Variants in LOXL3 observed in about 807,000 individuals in gnomAD.
LOXL3 encodes the protein lysyl oxidase homolog 3.
Under a neutral mutation model 91.8 loss-of-function variants are expected in LOXL3, and 60 were observed. The observed-to-expected ratio is 0.65, with a 90% CI of 0.53 to 0.81. The LOEUF (loss-of-function observed/expected upper bound fraction) is 0.81, where lower values mean the gene tolerates loss of function less well. Among genes scored for constraint, LOXL3 ranks in the 30% least tolerant of loss-of-function variants. The pLI is 0.00. For missense variants in LOXL3, 874 were observed against 1,000.4 expected (o/e 0.87, Z 1.70); for synonymous variants, 355 against 387.6 (o/e 0.92, Z 0.99).
Position 74,549,583 on chromosome 2 carries a change from C to G in LOXL3, c.478G>C (p.Val160Leu), listed in dbSNP as rs559018104. ...PGFSDSNVIE[V>L]EHHLQVEEVR... ...TCCTCCACTTGCAGGTGATGCTCTA[C>G]CTGGGGGCGGGGCCACAAGCAGGGA... Residue 160 changes from valine to leucine, a missense_variant and splice_region_variant, in exon 4 of 14, where the codon GTA becomes CTA. By Grantham distance (32) the Val-to-Leu change is conservative. Transcript: ENST00000264094. The surrounding 1 kb of genome is among the most constrained non-coding windows in gnomAD (Gnocchi z 5.3). The G allele has an allele frequency of 6.2e-7, 1 of 1,602,842 alleles. No individual in the cohort carries two copies. Among genetic ancestry groups the G allele is most frequent in the East Asian group, 2.2e-5 (1 of 44,496 alleles).
rs745650381 is a variant in LOXL3 at position 74,535,699 on chromosome 2, C to T, written c.1305G>A (p.Gly435=). The T allele has an allele frequency of 1.2e-6, 2 of 1,605,780 alleles. No homozygotes were observed. The highest frequency in any genetic ancestry group is 8.5e-7 in the Non-Finnish European group (1 of 1,177,758). Residue 435 remains glycine, a synonymous_variant, in exon 8 of 14, where the codon GGG becomes GGA. Transcript: ENST00000264094. This position sits in a 1 kb window ranked among gnomAD's most constrained non-coding sequence, Gnocchi z 4.2. ...QHEGRVEVQI[G]GPGPLRWGLI... ...GGCCCCAGCGAAGGGGCCCAGGTCC[C>T]CCTATTTGCACCTCGACTCGCCCCT...
chr2:74,544,876 C>G (rs1676515243), intron 4 of LOXL3, among the ~76,000 whole-genome samples: 1 of 152,172 alleles, frequency 6.6e-6, no homozygotes, highest in Admixed American at 6.5e-5. Flanking sequence ...TGTGAAGGAT[C>G]TAGATCATAG....
intron 4 of LOXL3, among the ~76,000 whole-genome samples, chr2:74,548,755 G>C (rs1305200706): frequency 1.3e-5 from 2 of 152,124 alleles, no homozygotes; most frequent in African/African-American, 4.8e-5. Flanking sequence ...CTGGACCCCA[G>C]GGCTCCAGCG....
chr2:74,554,248 C>G (rs77436581), upstream of LOXL3: 252 of 155,876 alleles, frequency 1.6e-3, 3 homozygotes, highest in East Asian at 0.027. This position sits in a 1 kb window ranked among gnomAD's most constrained non-coding sequence, Gnocchi z 4.9. Context: ...GCGGGGCGGC[C>G]CCGGTGGTGG....
Position 74,532,494 on chromosome 2 carries a change from T to C in LOXL3, c.*1112A>G, listed in dbSNP as rs1416215471. ...AGACAGAAAGTGAGTTGCCATTGTA[T>C]TTTGTAGTACCTAGCCCATGTCCTG... On this transcript the variant is annotated 3_prime_UTR_variant, in exon 14 of 14. Coordinates refer to ENST00000264094, the MANE Select transcript of LOXL3 (RefSeq NM_032603.5). The C allele has an allele frequency of 5.3e-6, 4 of 758,668 alleles. No homozygotes were observed. In the Admixed American group the frequency reaches 8.0e-5, roughly 15 times the overall value. The allele number at this position is 758,668 out of a possible 1,614,324, so 47.0% of individuals were successfully genotyped here.
chr2:74,537,853 T>C lies in LOXL3; in HGVS notation c.693-925A>G, dbSNP rs567057019. On this transcript the variant is annotated intron_variant, in intron 4 of 13. Transcript: ENST00000264094. ...GCACGTGCCAGAGTGAAGTACACTC[T>C]GCCCGCAGAGAAAGGGAAGAAAATG... 1.2e-4 allele frequency among the ~76,000 whole-genome samples: 19 copies of C among 152,268 alleles called. 1 individual carries two copies. In the South Asian group the frequency reaches 3.9e-3, roughly 32 times the overall value.
chr2:74,549,801 A>C lies in LOXL3; in HGVS notation c.478-218T>G, dbSNP rs1443757625. On this transcript the variant is annotated intron_variant, in intron 3 of 13. Transcript: ENST00000264094. The surrounding 1 kb of genome is among the most constrained non-coding windows in gnomAD (Gnocchi z 5.3). The stretch of plus-strand genomic sequence containing the variant: ...TGTGCTGTGCTCCCAGAGAGGATTC[A>C]GGGCACTAGGAAGGAGGCCCTCCCT... 6.4e-6 allele frequency: 9 copies of C among 1,413,082 alleles called. No individual in the cohort carries two copies. In the East Asian group the frequency reaches 1.6e-4, roughly 24 times the overall value. The allele number at this position is 1,413,082 out of a possible 1,614,324, so 87.5% of individuals were successfully genotyped here.
rs1395023227 is a variant in LOXL3 at position 74,536,511 on chromosome 2, C to A, written c.913-40G>T. On this transcript the variant is annotated intron_variant, in intron 5 of 13. Coordinates refer to ENST00000264094, the MANE Select transcript of LOXL3 (RefSeq NM_032603.5). This position sits in a 1 kb window ranked among gnomAD's most constrained non-coding sequence, Gnocchi z 4.5. ...AGTGCCCAACAGAGGCAAATGGCAA[C>A]ATCTGCACGGAGGGCTAAGCAGACC... The A allele has an allele frequency of 1.9e-6, 3 of 1,586,696 alleles. No individual in the cohort carries two copies. In the African/African-American group the frequency reaches 4.0e-5, roughly 21 times the overall value.
In LOXL3 at chr2:74,536,952, A is replaced by C; in HGVS notation, c.693-24T>G. 6.2e-7 allele frequency: 1 copy of C among 1,601,702 alleles called. No homozygotes were observed. The highest frequency in any genetic ancestry group is 8.5e-7 in the Non-Finnish European group (1 of 1,169,616). ...GCCTAGGGGGACAGGAGTGAGGTGCAGTAGGGTAAAACAATGCTCCTGCCT... is the reference window on the plus strand; with the variant it reads ...GCCTAGGGGGACAGGAGTGAGGTGCCGTAGGGTAAAACAATGCTCCTGCCT... On this transcript the variant is annotated intron_variant, in intron 4 of 13. Coordinates refer to ENST00000264094, the MANE Select transcript of LOXL3 (RefSeq NM_032603.5). This position sits in a 1 kb window ranked among gnomAD's most constrained non-coding sequence, Gnocchi z 4.5.
chr2:74,541,348 G>C (rs569487138), intron 4 of LOXL3, among the ~76,000 whole-genome samples: 1 of 152,302 alleles, frequency 6.6e-6, no homozygotes, highest in Non-Finnish European at 1.5e-5. Flanking sequence ...TTTAATGTGT[G>C]AAGACACCTT....
At chr2:74,554,743 C>G, upstream of LOXL3, 3 of 1,612,982 alleles carry the variant, frequency 1.9e-6, no homozygotes, top group Non-Finnish European at 1.7e-6. The surrounding 1 kb of genome is among the most constrained non-coding windows in gnomAD (Gnocchi z 4.9). Context: ...GCGGAAGGAA[C>G]CGCCGGGGGC....
Position 74,536,915 on chromosome 2 carries a change from G to T in LOXL3, c.706C>A (p.Arg236=), listed in dbSNP as rs200536773. The change falls in exon 5 of 14, where the codon CGG becomes AGG. Residue 236 remains arginine (R), a synonymous_variant. Transcript: ENST00000264094. This position sits in a 1 kb window ranked among gnomAD's most constrained non-coding sequence, Gnocchi z 4.5. ...TGCAGACCAAAGGAGTGTTGCTGCC[G>T]TTGGGCTAGCAGCCTAGGGGGACAG... ...NAAFYRLLAQ[R]QQHSFGLHGV... The T allele has an allele frequency of 6.2e-7, 1 of 1,614,104 alleles. No individual in the cohort carries two copies. The highest frequency in any genetic ancestry group is 1.7e-5 in the Admixed American group (1 of 60,024).
At chr2:74,554,558 G>A, upstream of LOXL3, 1 of 602,958 alleles carries the variant, frequency 1.7e-6, no homozygotes, top group South Asian at 2.0e-5. This position sits in a 1 kb window ranked among gnomAD's most constrained non-coding sequence, Gnocchi z 4.9. Flanking sequence ...GTAGGGGCCT[G>A]GGGTGCTGCA....
chr2:74,549,482 A>G lies in LOXL3; in HGVS notation c.579T>C (p.Leu193=), dbSNP rs373048810. Residue 193 remains leucine (L), a synonymous_variant, in exon 4 of 14, where the codon CTT becomes CTC. Transcript: ENST00000264094. The surrounding 1 kb of genome is among the most constrained non-coding windows in gnomAD (Gnocchi z 5.3). The part of the protein sequence containing the change: ...PVTEGLVEVR[L]PDGWSQVCDK... The stretch of plus-strand genomic sequence containing the variant: ...CGCACACTTGCGACCAGCCGTCAGG[A>G]AGCCTGACTTCCACCAGCCCCTCCG... The G allele has an allele frequency of 3.5e-4, 568 of 1,613,332 alleles. No homozygotes were observed. The highest frequency in any genetic ancestry group is 4.5e-4 in the Non-Finnish European group (534 of 1,179,818).
chr2:74,549,712 A>G lies in LOXL3; in HGVS notation c.478-129T>C. 3 of 1,446,418 alleles carry G rather than the reference A, an allele frequency of 2.1e-6. No individual in the cohort carries two copies. Among genetic ancestry groups the G allele is most frequent in the Non-Finnish European group, 2.7e-6 (3 of 1,097,068 alleles). The allele number at this position is 1,446,418 out of a possible 1,614,324, so 89.6% of individuals were successfully genotyped here. On this transcript the variant is annotated intron_variant, in intron 3 of 13. Transcript: ENST00000264094. The surrounding 1 kb of genome is among the most constrained non-coding windows in gnomAD (Gnocchi z 5.3). ...GCGGGATGGGCCCGAGGCGGCGCTGAGAGAGCGGCCACGATGGCCGCAGTC... is the reference window on the plus strand; with the variant it reads ...GCGGGATGGGCCCGAGGCGGCGCTGGGAGAGCGGCCACGATGGCCGCAGTC...
At chr2:74,540,658 T>C (rs1204412230) in intron 4 of LOXL3, among the ~76,000 whole-genome samples, 3 of 147,712 alleles carry the variant, frequency 2.0e-5, no homozygotes, top group Non-Finnish European at 3.0e-5. Flanking sequence ...AAATAAATAA[T>C]TTTTCCTTTT....
rs1676064932 is a variant in LOXL3 at position 74,536,935 on chromosome 2, G to GGAAAGGAGTGAGGT, written c.693-8_693-7insACCTCACTCCTTTC. 1 of 1,613,266 alleles carries GGAAAGGAGTGAGGT rather than the reference G, an allele frequency of 6.2e-7. No individual in the cohort carries two copies. The highest frequency in any genetic ancestry group is 1.1e-5 in the South Asian group (1 of 91,052). ...CTGCCGTTGGGCTAGCAGCCTAGGG[G>GGAAAGGAGTGAGGT]GACAGGAGTGAGGTGCAGTAGGGTA... On this transcript the variant is annotated splice_region_variant and splice_polypyrimidine_tract_variant and intron_variant, in intron 4 of 13. Transcript: ENST00000264094. The surrounding 1 kb of genome is among the most constrained non-coding windows in gnomAD (Gnocchi z 4.5).
chr2:74,536,278 C>T lies in LOXL3; in HGVS notation c.1093+13G>A. 1.9e-6 allele frequency: 3 copies of T among 1,613,378 alleles called. No homozygotes were observed. The highest frequency in any genetic ancestry group is 2.5e-6 in the Non-Finnish European group (3 of 1,179,818). Reference sequence around the variant, plus strand: ...CCTCCTTCCCTCTCCCTCCCACCTCCATGCCACCTCACCCTGCCCCATGCG... The same window carrying T: ...CCTCCTTCCCTCTCCCTCCCACCTCTATGCCACCTCACCCTGCCCCATGCG... On this transcript the variant is annotated intron_variant, in intron 6 of 13. Coordinates refer to ENST00000264094, the MANE Select transcript of LOXL3 (RefSeq NM_032603.5). This position sits in a 1 kb window ranked among gnomAD's most constrained non-coding sequence, Gnocchi z 4.5.
At chr2:74,553,046 G>A (rs1677125226) in intron 1 of LOXL3, 2 of 185,714 alleles carry the variant, frequency 1.1e-5, no homozygotes, top group Non-Finnish European at 2.2e-5. Flanking sequence ...GAGAGACAAC[G>A]GATAGAAAGT....
Sources: gnomAD v4.1 joint callset for allele counts (sites outside exome capture counted in the v4.1 genomes callset) on GRCh38, gnomAD v4.1.1 for gene constraint, Gnocchi (gnomAD v3.1) non-coding constraint, MANE v1.5 for transcripts, NCBI Gene and HGNC (gene_info 2026-07-23, HGNC 2026-07-21) for gene names.